Variants in CASQ2 observed in about 807,000 individuals in gnomAD.
The protein encoded by CASQ2 is calsequestrin-2.
CASQ2 carries 49 observed loss-of-function variants against 46.5 expected under a neutral mutation model. The ratio of observed to expected loss-of-function variants is 1.05; its 90% CI spans 0.84 to 1.34. The LOEUF is 1.34. Among genes scored for constraint, CASQ2 ranks in the 40% most tolerant of loss-of-function variants. The pLI is 0.00. For missense variants in CASQ2, 486 were observed against 481.3 expected, an observed-to-expected ratio of 1.01 and a Z score of -0.09; for synonymous variants, 174 against 168.5, an observed-to-expected ratio of 1.03 and a Z score of -0.25.
Position 115,702,993 on chromosome 1 carries a change from G to A in CASQ2, c.942C>T (p.Leu314=), listed in dbSNP as rs776904733. The change falls in exon 10 of 11, where the codon CTC becomes CTT. Residue 314 remains leucine, a splice_region_variant and synonymous_variant. Transcript: ENST00000261448. ...LWIDPDDFPL[L]VAYWEKTFKI... ...TGAAAGTCTTCTCCCAGTAGGCAACGAGCTGCAGCAACAAAAAAATAAGAT... is the reference window on the plus strand; with the variant it reads ...TGAAAGTCTTCTCCCAGTAGGCAACAAGCTGCAGCAACAAAAAAATAAGAT... The A allele has an allele frequency of 7.4e-6, 12 of 1,611,960 alleles. No individual in the cohort carries two copies. Among genetic ancestry groups the A allele is most frequent in the South Asian group, 4.4e-5 (4 of 90,606 alleles).
At chr1:115,730,754 A>G (rs1647756473) in intron 5 of CASQ2, among the ~76,000 whole-genome samples, 1 of 152,050 alleles carries the variant, frequency 6.6e-6, no homozygotes, top group East Asian at 1.9e-4. Context: ...CACTTTTACT[A>G]GTGCCAGTTG....
chr1:115,747,770 T>A (rs1353423805), intron 1 of CASQ2, among the ~76,000 whole-genome samples: 1 of 152,242 alleles, frequency 6.6e-6, no homozygotes, highest in Non-Finnish European at 1.5e-5. Context: ...CATGTCCATG[T>A]GTTTATTGCA....
chr1:115,710,347 C>T (rs1654498231), intron 8 of CASQ2, among the ~76,000 whole-genome samples: 1 of 152,210 alleles, frequency 6.6e-6, no homozygotes, highest in Admixed American at 6.5e-5. Context: ...GAGCAAATGA[C>T]TTGCCCAGCA....
At chr1:115,722,563 G>C (rs1460166706) in intron 7 of CASQ2, among the ~76,000 whole-genome samples, 1 of 152,124 alleles carries the variant, frequency 6.6e-6, no homozygotes, top group African/African-American at 2.4e-5. Context: ...GTCCATAGTG[G>C]TATATTCCCT....
At chr1:115,732,834 T>G in intron 5 of CASQ2, 67 bp downstream of exon 5, 1 of 1,070,966 alleles carries the variant, frequency 9.3e-7, no homozygotes, top group Non-Finnish European at 1.5e-6. Flanking sequence ...GAAAGAGTGG[T>G]GAGAGTTCAA....
chr1:115,702,100 T>C lies in CASQ2; in HGVS notation c.1015-674A>G, dbSNP rs192560515. Among the ~76,000 whole-genome samples the C allele has an allele frequency of 5.5e-4, 83 of 152,192 alleles. 1 individual carries two copies. In the East Asian group the frequency reaches 0.013, roughly 24 times the overall value. On this transcript the variant is annotated intron_variant, in intron 10 of 10. Transcript: ENST00000261448. ...ACCATGCCTGGCTAATTTTTGTATT[T>C]TTAGTAGAGATGGGGTTTCACCATG...
intron 8 of CASQ2, among the ~76,000 whole-genome samples, chr1:115,714,578 A>T (rs1654641782): frequency 6.6e-6 from 1 of 152,182 alleles, no homozygotes; most frequent in South Asian, 2.1e-4. Flanking sequence ...GTGAAAGGCC[A>T]TGTCTAACTT....
intron 2 of CASQ2, among the ~76,000 whole-genome samples, chr1:115,743,581 T>C (rs115673845): frequency 6.6e-6 from 1 of 152,022 alleles, no homozygotes; most frequent in Non-Finnish European, 1.5e-5. Flanking sequence ...ATCTTTTTTT[T>C]AAAAAAAGAC....
intron 8 of CASQ2, among the ~76,000 whole-genome samples, chr1:115,709,749 G>A (rs1350242516): frequency 1.3e-5 from 2 of 152,192 alleles, no homozygotes; most frequent in Non-Finnish European, 2.9e-5. Context: ...CATTCTAACA[G>A]CCAAGAATCT....
At position 115,749,464 on chromosome 1, in the gene CASQ2, T is replaced by C. The variant is rs143462523; in HGVS notation, c.235-4552A>G. Among the ~76,000 whole-genome samples, 243 of 152,284 alleles carry C rather than the reference T, an allele frequency of 1.6e-3. 1 individual carries two copies. Among genetic ancestry groups the C allele is most frequent in the South Asian group, 3.9e-3 (19 of 4,824 alleles). Reference sequence around the variant, plus strand: ...GCCAATCACTGTCCTGTGCCATAGATGGAGAAACAGAGCAGGCAATAACAC... The same window carrying C: ...GCCAATCACTGTCCTGTGCCATAGACGGAGAAACAGAGCAGGCAATAACAC... On this transcript the variant is annotated intron_variant, in intron 1 of 10. Coordinates refer to ENST00000261448, the MANE Select transcript of CASQ2 (RefSeq NM_001232.4).
In CASQ2 at chr1:115,753,320, C is replaced by T. The variant is rs556118711; in HGVS notation, c.235-8408G>A. On this transcript the variant is annotated intron_variant, in intron 1 of 10. Coordinates refer to ENST00000261448, the MANE Select transcript of CASQ2 (RefSeq NM_001232.4). The stretch of plus-strand genomic sequence containing the variant: ...AAAGAAGCCTACCCTGGAGGCAGAG[C>T]GGAGCTATGGGAGAAGTGCGGGGAG... Among the ~76,000 whole-genome samples, 125 of 152,162 alleles carry T rather than the reference C, an allele frequency of 8.2e-4. 1 individual carries two copies. Among genetic ancestry groups the T allele is most frequent in the African/African-American group, 2.8e-3 (115 of 41,512 alleles).
chr1:115,744,934 T>C (rs759916654), intron 1 of CASQ2, 22 bp from the exon 2 acceptor site: 2 of 1,548,954 alleles, frequency 1.3e-6, no homozygotes, highest in Admixed American at 1.7e-5. Flanking sequence ...AATGGAAAGA[T>C]GAGTGTGCTA....
chr1:115,762,200 C>G (rs1015981656), intron 1 of CASQ2, among the ~76,000 whole-genome samples: 1 of 152,162 alleles, frequency 6.6e-6, no homozygotes. Context: ...GATACCCTGA[C>G]TGAGCAAGGG....
intron 7 of CASQ2, among the ~76,000 whole-genome samples, 157 bp from the exon 8 acceptor site, chr1:115,718,051 C>T (rs998523167): frequency 6.6e-6 from 1 of 152,110 alleles, no homozygotes; most frequent in African/African-American, 2.4e-5. Flanking sequence ...TACAGCGGGG[C>T]TCACATTAAG....
intron 1 of CASQ2, among the ~76,000 whole-genome samples, chr1:115,751,492 C>T (rs1181836108): frequency 7.0e-6 from 1 of 142,868 alleles, no homozygotes; most frequent in Non-Finnish European, 1.5e-5. Flanking sequence ...CACGGTGAAA[C>T]ACCATCTCTG....
In CASQ2 at chr1:115,712,342, C is replaced by T. The variant is rs138961113; in HGVS notation, c.838+5498G>A. Among the ~76,000 whole-genome samples the T allele has an allele frequency of 2.5e-3, 383 of 152,240 alleles. 1 individual carries two copies. Among genetic ancestry groups the T allele is most frequent in the African/African-American group, 8.8e-3 (365 of 41,544 alleles). On this transcript the variant is annotated intron_variant, in intron 8 of 10. Coordinates refer to ENST00000261448, the MANE Select transcript of CASQ2 (RefSeq NM_001232.4). ...TCTTTCTCTGCCTGTCTTCTCCTGG[C>T]GCTAAGATCCCAGAATTGGTGAAAA...
chr1:115,714,373 A>C (rs1470589700), intron 8 of CASQ2, among the ~76,000 whole-genome samples: 4 of 152,170 alleles, frequency 2.6e-5, no homozygotes, highest in African/African-American at 9.7e-5. Flanking sequence ...TCTAAAACTC[A>C]CGTTCCTCAT....
At chr1:115,718,246 G>A (rs541955614) in intron 7 of CASQ2, among the ~76,000 whole-genome samples, 24 of 152,308 alleles carry the variant, frequency 1.6e-4, no homozygotes, top group African/African-American at 5.8e-4. Context: ...AAGAACATGA[G>A]TCTGGTTTAT....
At chr1:115,715,471 T>C (rs1447857531) in intron 8 of CASQ2, among the ~76,000 whole-genome samples, 1 of 152,226 alleles carries the variant, frequency 6.6e-6, no homozygotes, top group African/African-American at 2.4e-5. Context: ...GGCTACATAT[T>C]AAATGATTCC....
Sources: allele counts gnomAD v4.1 joint callset (sites outside exome capture counted in the v4.1 genomes callset), GRCh38; gene constraint gnomAD v4.1.1; transcripts MANE v1.5; gene names NCBI Gene and HGNC (gene_info 2026-07-23, HGNC 2026-07-21).